The following COL22A1 variants were observed in gnomAD, a reference collection of about 807,000 sequenced individuals.
COL22A1 encodes the protein collagen alpha-1(XXII) chain.
Under a neutral mutation model 248.9 loss-of-function variants are expected in COL22A1, and 221 were observed. The ratio of observed to expected loss-of-function variants is 0.89; its 90% CI spans 0.80 to 0.99. COL22A1 has a LOEUF of 0.99. Ranked by LOEUF, COL22A1 falls within the 50% of genes least tolerant of loss-of-function variation. COL22A1 has a pLI of 0.00. For missense variants in COL22A1, 2,240 were observed against 2,179.0 expected, an observed-to-expected ratio of 1.03 and a Z score of -0.56; for synonymous variants, 891 against 793.4, an observed-to-expected ratio of 1.12 and a Z score of -2.07.
Position 138,760,226 on chromosome 8 carries a change from GCCCCAGGCT to G in COL22A1, c.1902+8_1902+16del, listed in dbSNP as rs780301981. 10 of 1,559,950 alleles carry G rather than the reference GCCCCAGGCT, an allele frequency of 6.4e-6. No individual in the cohort carries two copies. The South Asian group carries it at 1.1e-4, about 17-fold the overall frequency. ...TGCCCAGGGCACAGAGCCCTTGACA[GCCCCAGGCT>G]CGCTCACCTTTTCTCCCTGGGGTCC... On this transcript the variant is annotated splice_region_variant and intron_variant, in intron 18 of 64. Coordinates refer to ENST00000303045, the MANE Select transcript of COL22A1 (RefSeq NM_152888.3).
chr8:138,737,405 A>T, intron 23 of COL22A1, 119 bp downstream of exon 23: 7 of 728,846 alleles, frequency 9.6e-6, no homozygotes, highest in Non-Finnish European at 1.2e-5. Context: ...TGTTCTTTTT[A>T]ATAGTTTGAT....
intron 45 of COL22A1, among the ~76,000 whole-genome samples, chr8:138,655,117 T>C (rs764177553): frequency 1.6e-4 from 25 of 152,238 alleles, no homozygotes; most frequent in African/African-American, 5.3e-4. Flanking sequence ...ATTCCATTCA[T>C]TGACCCTCAC....
At chr8:138,776,312 C>G (rs1814453847) in intron 15 of COL22A1, among the ~76,000 whole-genome samples, 1 of 152,190 alleles carries the variant, frequency 6.6e-6, no homozygotes, top group Admixed American at 6.5e-5. Flanking sequence ...CTCCTGAACT[C>G]CAGTGGCCAA....
At chr8:138,673,709 CACCTTCTGA>C (rs1421854814) in intron 41 of COL22A1, among the ~76,000 whole-genome samples, 1 of 152,164 alleles carries the variant, frequency 6.6e-6, no homozygotes, top group Non-Finnish European at 1.5e-5. Flanking sequence ...CACATCATGT[CACCTTCTGA>C]ACCTCACATT....
chr8:138,603,660 A>G (rs1337793709), intron 59 of COL22A1, among the ~76,000 whole-genome samples: 2 of 152,184 alleles, frequency 1.3e-5, no homozygotes, highest in Non-Finnish European at 2.9e-5. Flanking sequence ...TCTTTACCTC[A>G]TTCCAGGAAG....
rs1824468629 is a variant in COL22A1 at position 138,665,946 on chromosome 8, TA to T, written c.3151-2207del. ...TAACCAGGTTAATTTGAAACTAATA[TA>T]AAATAGGAATTTCCCAGAATAATTG... is the stretch of plus-strand genomic sequence containing the variant. On this transcript the variant is annotated intron_variant, in intron 41 of 64. Transcript: ENST00000303045. 4.6e-5 allele frequency among the ~76,000 whole-genome samples: 7 copies of T among 151,844 alleles called. No individual in the cohort carries two copies. In the South Asian group the frequency reaches 1.5e-3, roughly 32 times the overall value.
chr8:138,857,753 C>T (rs138619381), intron 3 of COL22A1, among the ~76,000 whole-genome samples: 92 of 152,322 alleles, frequency 6.0e-4, no homozygotes, highest in African/African-American at 2.0e-3. Context: ...TCTGAGTGAC[C>T]CTGTGGTCCA....
intron 1 of COL22A1, among the ~76,000 whole-genome samples, chr8:138,893,472 T>C (rs548456266): frequency 6.6e-6 from 1 of 152,364 alleles, no homozygotes; most frequent in East Asian, 1.9e-4. Context: ...AAAATGTACC[T>C]GGACACAGAT....
At chr8:138,634,906 C>T (rs1380975525) in intron 49 of COL22A1, 104 bp downstream of exon 49, 1 of 843,488 alleles carries the variant, frequency 1.2e-6, no homozygotes, top group Non-Finnish European at 2.0e-6. Flanking sequence ...TGGGCCATCC[C>T]TTAAAATGAG....
At chr8:138,717,818 C>A (rs1829560195) in intron 27 of COL22A1, among the ~76,000 whole-genome samples, 1 of 152,196 alleles carries the variant, frequency 6.6e-6, no homozygotes, top group African/African-American at 2.4e-5. Flanking sequence ...TCTTACAAAT[C>A]ATTGATGAAA....
chr8:138,846,309 A>G (rs1197064827), intron 3 of COL22A1, among the ~76,000 whole-genome samples: 1 of 152,164 alleles, frequency 6.6e-6, no homozygotes, highest in East Asian at 1.9e-4. Flanking sequence ...AGAAGGTTCT[A>G]TCTATCTTTG....
At chr8:138,718,233 C>T (rs534806210) in intron 27 of COL22A1, among the ~76,000 whole-genome samples, 7 of 152,180 alleles carry the variant, frequency 4.6e-5, no homozygotes, top group African/African-American at 1.2e-4. Context: ...AGACACACTC[C>T]GATGCTCCCA....
intron 16 of COL22A1, among the ~76,000 whole-genome samples, chr8:138,766,731 A>G (rs1215397565): frequency 2.0e-5 from 3 of 152,136 alleles, no homozygotes; most frequent in African/African-American, 7.2e-5. Flanking sequence ...GAGAGACAGA[A>G]GATGTGGCAT....
rs373725559 is a variant in COL22A1, at chr8:138,863,333, GC to G, written c.658+14416del. ...TTTTTTGACATTGAAATAATCTGTT[GC>G]TCGGTCAGAGTTCCCAATGAGACAA... On this transcript the variant is annotated intron_variant, in intron 3 of 64. Coordinates refer to ENST00000303045, the MANE Select transcript of COL22A1 (RefSeq NM_152888.3). 8.4e-4 allele frequency among the ~76,000 whole-genome samples: 128 copies of G among 152,262 alleles called. 1 individual carries two copies. Among genetic ancestry groups the G allele is most frequent in the African/African-American group, 2.9e-3 (121 of 41,546 alleles).
Position 138,833,025 on chromosome 8 carries a change from A to T in COL22A1, c.845+14T>A, listed in dbSNP as rs750575183. ...ACACCCTGGGCAGGTCTGGAAAGAG[A>T]AGTGGCCACTCACTCAGTACTTTGC... On this transcript the variant is annotated intron_variant, in intron 5 of 64. Transcript: ENST00000303045. 1.3e-6 allele frequency: 2 copies of T among 1,544,318 alleles called. No homozygotes were observed. The highest frequency in any genetic ancestry group is 1.8e-6 in the Non-Finnish European group (2 of 1,116,556).
At chr8:138,671,133 AC>A (rs1400758257) in intron 41 of COL22A1, among the ~76,000 whole-genome samples, 7 of 152,286 alleles carry the variant, frequency 4.6e-5, no homozygotes, top group African/African-American at 1.7e-4. Context: ...GAGATTTTCA[AC>A]AATTTTTAAA....
At chr8:138,750,305 A>G (rs1024790899) in intron 22 of COL22A1, among the ~76,000 whole-genome samples, 7 of 152,136 alleles carry the variant, frequency 4.6e-5, no homozygotes, top group African/African-American at 1.7e-4. Flanking sequence ...TCCCTGCCTC[A>G]CCTAGCCTTA....
rs11284610 is a variant in COL22A1, at chr8:138,796,389, C to CTTTTTTTTTTTTT, written c.1596+417_1596+429dup. ...TTTTTTTCTCTTGCTTGCTACTTTC[C>CTTTTTTTTTTTTT]TTTTTTTTTTTTTTTTTTTTTTTTT... On this transcript the variant is annotated intron_variant, in intron 12 of 64. Coordinates refer to ENST00000303045, the MANE Select transcript of COL22A1 (RefSeq NM_152888.3). Among the ~76,000 whole-genome samples the CTTTTTTTTTTTTT allele has an allele frequency of 1.9e-4, 5 of 26,312 alleles. 2 individuals are homozygous for CTTTTTTTTTTTTT. The highest frequency in any genetic ancestry group is 6.7e-4 in the African/African-American group (5 of 7,460). The allele number at this position is 26,312 out of a possible 152,430, so 17.3% of individuals were successfully genotyped here. A position where few individuals can be genotyped will look rare whatever the true frequency, so the allele number is the denominator to read the frequency against.
At chr8:138,663,012 T>TCACACACACACA (rs1238032353) in intron 42 of COL22A1, among the ~76,000 whole-genome samples, 73 of 140,862 alleles carry the variant, frequency 5.2e-4, no homozygotes, top group Non-Finnish European at 8.3e-4. Flanking sequence ...CAGGACTCTG[T>TCACACACACACA]CACTCACACA....
Sources: gnomAD v4.1 joint callset for allele counts (sites outside exome capture counted in the v4.1 genomes callset) on GRCh38, gnomAD v4.1.1 for gene constraint, MANE v1.5 for transcripts, NCBI Gene and HGNC (gene_info 2026-07-23, HGNC 2026-07-21) for gene names.